The following FOXI3 variants were observed in gnomAD, a reference collection of about 807,000 sequenced individuals.
FOXI3 encodes the protein forkhead box protein I3.
Under a neutral mutation model 15.6 loss-of-function variants are expected in FOXI3, and 4 were observed. The ratio of observed to expected loss-of-function variants is 0.26; its 90% CI spans 0.13 to 0.59. The LOEUF (loss-of-function observed/expected upper bound fraction) is 0.59. FOXI3 is among the 20% of genes least tolerant of loss of function. The probability of loss-of-function intolerance (pLI) is 0.90; values close to 1 mark genes in which losing one functional copy is unlikely to be tolerated. For synonymous variants in FOXI3, 238 were observed against 244.4 expected (o/e 0.97, Z 0.25); for missense variants, 489 against 548.2 (o/e 0.89, Z 1.08).
Position 88,452,150 on chromosome 2 carries a change from A to G in FOXI3, c.386T>C (p.Leu129Pro). The G allele has an allele frequency of 6.8e-7, 1 of 1,461,564 alleles. No individual in the cohort carries two copies. Among genetic ancestry groups the G allele is most frequent in the African/African-American group, 1.5e-5 (1 of 68,470 alleles). The allele number at this position is 1,461,564 out of a possible 1,614,324, so 90.5% of individuals were successfully genotyped here. ...SPAAPAGPGE[L>P]GWLSMASRED... ...GCGGCTGGCCATGGACAGCCAGCCC[A>G]GCTCCCCGGGCCCCGCGGGCGCGGC... The change falls in exon 1 of 2, where the codon CTG (leucine) becomes CCG (proline). Residue 129 changes from leucine to proline, a missense_variant. Leu to Pro is a moderately conservative substitution (Grantham distance 98). This residue lies in a region of FOXI3 where 224 missense variants were observed against 245.7 expected (regional missense o/e 0.91). Transcript: ENST00000428390.
rs563474992 is a variant in FOXI3 at position 88,448,215 on chromosome 2, C to T, written c.1255G>A (p.Glu419Lys). ...AAGTCTGAGAGTCTGCTCTACACCT[C>T]GGAGCCCTCTCGGGGGTAGATGAGG... is the stretch of plus-strand genomic sequence containing the variant. ...NSLIYPREGS[E>K]V Residue 419 changes from glutamate (E) to lysine (K), a missense_variant, in exon 2 of 2, where the codon GAG becomes AAG. Physicochemically the swap from Glu to Lys is moderately conservative, Grantham distance 56. This residue lies in a region of FOXI3 where 263 missense variants were observed against 285.5 expected (regional missense o/e 0.92). Transcript: ENST00000428390. 21 of 1,551,332 alleles carry T rather than the reference C, an allele frequency of 1.4e-5. No homozygotes were observed. Among genetic ancestry groups the T allele is most frequent in the South Asian group, 9.5e-5 (8 of 84,020 alleles).
Position 88,452,450 on chromosome 2 carries a change from G to C in FOXI3, c.86C>G (p.Ala29Gly), listed in dbSNP as rs1676070952. ...GTAAGGCGCCCTGGCTGCCGGGGGG[G>C]CGCCCGGGGCGGCGGCGGTGGCGGC... Reference protein sequence around the residue: ...PPAATAAAPGAPPAARAPYGL... With the variant: ...PPAATAAAPGGPPAARAPYGL... The change falls in exon 1 of 2, where the codon GCC becomes GGC. Residue 29 changes from alanine (A) to glycine (G), a missense_variant. Physicochemically the swap from Ala to Gly is moderately conservative, Grantham distance 60 (BLOSUM62 0). Transcript: ENST00000428390. 1.9e-6 allele frequency: 2 copies of C among 1,051,478 alleles called. No homozygotes were observed. Among genetic ancestry groups the C allele is most frequent in the African/African-American group, 3.5e-5 (2 of 57,904 alleles). The allele number at this position is 1,051,478 out of a possible 1,614,324, so 65.1% of individuals were successfully genotyped here. A position where few individuals can be genotyped will look rare whatever the true frequency, so the allele number is the denominator to read the frequency against.
chr2:88,448,846 G>C lies in FOXI3; in HGVS notation c.641-17C>G, dbSNP rs1472754985. On this transcript the variant is annotated splice_polypyrimidine_tract_variant and intron_variant, in intron 1 of 1. Coordinates refer to ENST00000428390, the MANE Select transcript of FOXI3 (RefSeq NM_001135649.3). ...TACCCTTTCCTGAGAAGATGAGAAA[G>C]ACCAAGTTAGAGAAGGACCTATTCA... 1 of 1,538,422 alleles carries C rather than the reference G, an allele frequency of 6.5e-7. No homozygotes were observed. Among genetic ancestry groups the C allele is most frequent in the Admixed American group, 2.0e-5 (1 of 50,028 alleles).
chr2:88,447,829 T>C lies in FOXI3; in HGVS notation c.*378A>G, dbSNP rs745681536. On this transcript the variant is annotated 3_prime_UTR_variant, in exon 2 of 2. Transcript: ENST00000428390. ...AACTGATGTTAGTTTTCTCACCCAG[T>C]AACTTCGTTGGCTTGTGTTTTTTTA... The C allele has an allele frequency of 1.9e-4, 40 of 214,088 alleles. No homozygotes were observed. Among genetic ancestry groups the C allele is most frequent in the Non-Finnish European group, 3.5e-4 (37 of 105,722 alleles). The allele number at this position is 214,088 out of a possible 1,614,324, so 13.3% of individuals were successfully genotyped here. A position where few individuals can be genotyped will look rare whatever the true frequency, so the allele number is the denominator to read the frequency against.
At position 88,448,457 on chromosome 2, in the gene FOXI3, C is replaced by A. The variant is rs369600524; in HGVS notation, c.1013G>T (p.Arg338Leu). 1.3e-6 allele frequency: 2 copies of A among 1,551,608 alleles called. No individual in the cohort carries two copies. The highest frequency in any genetic ancestry group is 1.7e-6 in the Non-Finnish European group (2 of 1,146,974). Reference protein sequence around the residue: ...VSTQRALPGSRHLGIQGAQLP... With the variant: ...VSTQRALPGSLHLGIQGAQLP... ...CTGGGCCCCCTGGATCCCTAGGTGG[C>A]GGCTGCCAGGGAGAGCCCGCTGGGT... is the stretch of plus-strand genomic sequence containing the variant. Residue 338 changes from arginine to leucine, a missense_variant, in exon 2 of 2, where the codon CGC (arginine) becomes CTC (leucine). Physicochemically the swap from Arg to Leu is moderately radical, Grantham distance 102. Transcript: ENST00000428390.
rs199805152 is a variant in FOXI3 at position 88,450,440 on chromosome 2, A to AC, written c.640+1455_640+1456insG. Among the ~76,000 whole-genome samples the AC allele has an allele frequency of 1.1e-3, 168 of 151,682 alleles. 2 individuals are homozygous for AC. The South Asian group carries it at 0.014, about 12-fold the overall frequency. On this transcript the variant is annotated intron_variant, in intron 1 of 1. Transcript: ENST00000428390. ...AATTGTCTCAAAAAAAAAAAAAAAA[A>AC]ACCTCAGCATTCTTAACTAACCACT... is the stretch of plus-strand genomic sequence containing the variant.
Position 88,452,004 on chromosome 2 carries a change from T to C in FOXI3, c.532A>G (p.Ser178Gly). Reference protein sequence around the residue: ...LSHIYQFVADSFPFYQRSKAG... With the variant: ...LSHIYQFVADGFPFYQRSKAG... ...TTGCTGCGCTGGTAGAAGGGGAAGC[T>C]ATCGGCGACGAACTGGTAGATGTGG... is the stretch of plus-strand genomic sequence containing the variant. Residue 178 changes from serine (S) to glycine (G), a missense_variant, in exon 1 of 2, where the codon AGC becomes GGC. Physicochemically the swap from Ser to Gly is moderately conservative, Grantham distance 56. Around this residue, in one of 3 missense-constraint regions of FOXI3, gnomAD observed 224 missense variants for 245.7 expected, o/e 0.91. Coordinates refer to ENST00000428390, the MANE Select transcript of FOXI3 (RefSeq NM_001135649.3). 1 of 1,610,536 alleles carries C rather than the reference T, an allele frequency of 6.2e-7. No homozygotes were observed.
At chr2:88,450,230 G>A (rs750417193) in intron 1 of FOXI3, among the ~76,000 whole-genome samples, 4 of 152,164 alleles carry the variant, frequency 2.6e-5, no homozygotes, top group East Asian at 1.9e-4. Flanking sequence ...TTAGCAGTTC[G>A]AGACCAGCCT....
intron 1 of FOXI3, among the ~76,000 whole-genome samples, chr2:88,450,564 T>G (rs1468850375): frequency 1.3e-5 from 2 of 152,188 alleles, no homozygotes; most frequent in African/African-American, 4.8e-5. Flanking sequence ...TATCTGGATA[T>G]GTATATTGTG....
chr2:88,450,556 T>C (rs1429974879), intron 1 of FOXI3, among the ~76,000 whole-genome samples: 1 of 152,100 alleles, frequency 6.6e-6, no homozygotes, highest in African/African-American at 2.4e-5. Context: ...TCTCCACCTA[T>C]CTGGATATGT....
chr2:88,448,499 A>C lies in FOXI3; in HGVS notation c.971T>G (p.Val324Gly). ...CCGCTGGGTACTCACACTGCTGCTG[A>C]CACTCAAGGAGCTGAGGCTGCTGAA... ...TFFSSLSSLS[V>G]SSSVSTQRAL... Residue 324 changes from valine (V) to glycine (G), a missense_variant, in exon 2 of 2, where the codon GTC (valine) becomes GGC (glycine). By Grantham distance (109) the Val-to-Gly change is moderately radical. Transcript: ENST00000428390. 6.4e-7 allele frequency: 1 copy of C among 1,551,684 alleles called. No homozygotes were observed. Among genetic ancestry groups the C allele is most frequent in the Non-Finnish European group, 8.7e-7 (1 of 1,146,982 alleles).
chr2:88,451,945 C>G lies in FOXI3; in HGVS notation c.591G>C (p.Leu197=). 2 of 1,613,874 alleles carry G rather than the reference C, an allele frequency of 1.2e-6. No individual in the cohort carries two copies. The highest frequency in any genetic ancestry group is 1.1e-5 in the South Asian group (1 of 91,052). Residue 197 remains leucine, a synonymous_variant, in exon 1 of 2, where the codon CTG becomes CTC. Coordinates refer to ENST00000428390, the MANE Select transcript of FOXI3 (RefSeq NM_001135649.3). ...CCTTCTTGAAGCAGTCGTTGAGCGA[C>G]AGGTTGTGGCGGATGGAGTTCTGCC... is the stretch of plus-strand genomic sequence containing the variant. ...AGWQNSIRHN[L]SLNDCFKKVP...
In FOXI3 at chr2:88,452,347, G is replaced by C; in HGVS notation, c.189C>G (p.Gly63=). ...CGGCTGCGGCGGCGGCGGAGGGCGG[G>C]CCTCCCACGCCGGGCCCGTTGAGCC... ...YLWLNGPGVG[G]PPSAAAAAAA... Residue 63 remains glycine, a synonymous_variant, in exon 1 of 2, where the codon GGC becomes GGG. Transcript: ENST00000428390. 1.0e-6 allele frequency: 1 copy of C among 984,650 alleles called. No homozygotes were observed. The highest frequency in any genetic ancestry group is 4.5e-5 in the South Asian group (1 of 22,142). 61.0% of individuals were successfully genotyped at this position (984,650 alleles called of 1,614,324 possible).
intron 1 of FOXI3, among the ~76,000 whole-genome samples, chr2:88,449,139 T>C (rs1269628211): frequency 6.6e-6 from 1 of 152,042 alleles, no homozygotes. Flanking sequence ...TAGATCCAAA[T>C]TGTATGACCT....
rs1405076465 is a variant in FOXI3, at chr2:88,448,729, G to A, written c.741C>T (p.Gly247=). Residue 247 remains glycine, a synonymous_variant, in exon 2 of 2, where the codon GGC becomes GGT. Coordinates refer to ENST00000428390, the MANE Select transcript of FOXI3 (RefSeq NM_001135649.3). ...KRKRRSEASN[G]STVAAGTSKS... ...TTGATGTCCCAGCAGCCACTGTGGAGCCATTGCTGGCCTCAGAGCGGCGCT... is the reference window on the plus strand; with the variant it reads ...TTGATGTCCCAGCAGCCACTGTGGAACCATTGCTGGCCTCAGAGCGGCGCT... 1.9e-6 allele frequency: 3 copies of A among 1,551,990 alleles called. No individual in the cohort carries two copies. In the Admixed American group the frequency reaches 5.9e-5, roughly 30 times the overall value.
At position 88,448,532 on chromosome 2, in the gene FOXI3, T is replaced by C. The variant is rs1038317612; in HGVS notation, c.938A>G (p.Asn313Ser). ...GPMLTSTPCL[N>S]TFFSSLSSLS... ...GGAGCTGAGGCTGCTGAAGAAAGTG[T>C]TGAGACAAGGGGTGGAGGTGAGCAT... The change falls in exon 2 of 2, where the codon AAC becomes AGC. Residue 313 changes from asparagine (N) to serine (S), a missense_variant. Physicochemically the swap from Asn to Ser is conservative, Grantham distance 46 (BLOSUM62 1). Around this residue, in one of 3 missense-constraint regions of FOXI3, gnomAD observed 263 missense variants for 285.5 expected, o/e 0.92. Coordinates refer to ENST00000428390, the MANE Select transcript of FOXI3 (RefSeq NM_001135649.3). The C allele has an allele frequency of 1.9e-6, 3 of 1,551,448 alleles. No homozygotes were observed. In the African/African-American group the frequency reaches 4.1e-5, roughly 21 times the overall value.
intron 1 of FOXI3, among the ~76,000 whole-genome samples, chr2:88,450,001 T>A (rs574550804): frequency 1.2e-4 from 18 of 152,260 alleles, no homozygotes; most frequent in Non-Finnish European, 2.1e-4. Flanking sequence ...TGGGTCTCCC[T>A]CTGTCACCCA....
chr2:88,451,345 C>T (rs1193737973), intron 1 of FOXI3, among the ~76,000 whole-genome samples: 1 of 152,186 alleles, frequency 6.6e-6, no homozygotes, highest in Non-Finnish European at 1.5e-5. Context: ...CCCAGACCCC[C>T]GTCTCATGAT....
In FOXI3 at chr2:88,448,723, T is replaced by C. The variant is rs1675992423; in HGVS notation, c.747A>G (p.Thr249=). The C allele has an allele frequency of 5.8e-6, 9 of 1,551,972 alleles. No homozygotes were observed. Among genetic ancestry groups the C allele is most frequent in the Middle Eastern group, 3.3e-4 (2 of 5,992 alleles). The part of the protein sequence containing the change: ...KRRSEASNGS[T]VAAGTSKSEE... The stretch of plus-strand genomic sequence containing the variant: ...CGGACTTTGATGTCCCAGCAGCCAC[T>C]GTGGAGCCATTGCTGGCCTCAGAGC... Residue 249 remains threonine (T), a synonymous_variant, in exon 2 of 2, where the codon ACA becomes ACG. Coordinates refer to ENST00000428390, the MANE Select transcript of FOXI3 (RefSeq NM_001135649.3).
Sources: allele counts gnomAD v4.1 joint callset (sites outside exome capture counted in the v4.1 genomes callset), GRCh38; gene constraint gnomAD v4.1.1; regional missense constraint gnomAD v4.1.1; transcripts MANE v1.5; gene names NCBI Gene and HGNC (gene_info 2026-07-23, HGNC 2026-07-21).